The following CD96 variants were observed in gnomAD, a reference collection of about 807,000 sequenced individuals.
CD96 encodes the protein CD96 molecule.
A neutral mutation model predicts 71.3 loss-of-function variants in CD96; 70 were observed. That is an observed-to-expected ratio of 0.98 (90% CI 0.81 to 1.20). The LOEUF (loss-of-function observed/expected upper bound fraction) is 1.20. CD96 is among the 50% of genes most tolerant of loss of function. The pLI is 0.00. For missense variants in CD96, 742 were observed against 677.5 expected, an observed-to-expected ratio of 1.10 and a Z score of -1.06; for synonymous variants, 248 against 233.0, an observed-to-expected ratio of 1.06 and a Z score of -0.59.
At chr3:111,542,650 C>T (rs1043726579) in intron 1 of CD96, among the ~76,000 whole-genome samples, 1 of 152,184 alleles carries the variant, frequency 6.6e-6, no homozygotes, top group African/African-American at 2.4e-5. Context: ...AAAACAACTG[C>T]GGAAAAATTA....
In CD96 at chr3:111,650,367, C is replaced by T. The variant is rs1033033023; in HGVS notation, c.*561C>T. Reference sequence around the variant, plus strand: ...AACAGAATACTTTGCACAGGAACCACATTTTCAATCCTCCTTCACTGTCTT... The same window carrying T: ...AACAGAATACTTTGCACAGGAACCATATTTTCAATCCTCCTTCACTGTCTT... On this transcript the variant is annotated 3_prime_UTR_variant, in exon 14 of 14. Transcript: ENST00000352690. 4.2e-5 allele frequency: 7 copies of T among 166,384 alleles called. No individual in the cohort carries two copies. Among genetic ancestry groups the T allele is most frequent in the African/African-American group, 1.2e-4 (5 of 41,672 alleles). 10.3% of individuals were successfully genotyped at this position (166,384 alleles called of 1,614,324 possible). A position where few individuals can be genotyped will look rare whatever the true frequency, so the allele number is the denominator to read the frequency against.
At chr3:111,543,906 C>T (rs1338588523) in intron 1 of CD96, among the ~76,000 whole-genome samples, 3 of 152,162 alleles carry the variant, frequency 2.0e-5, no homozygotes, top group Admixed American at 1.3e-4. Context: ...CTTGTTTTCC[C>T]ACCTCAAACG....
chr3:111,570,878 G>A lies in CD96; in HGVS notation c.543+3231G>A, dbSNP rs1256245281. On this transcript the variant is annotated intron_variant, in intron 3 of 13. Coordinates refer to ENST00000352690, the MANE Select transcript of CD96 (RefSeq NM_005816.5). ...AGGGTCCTGACCGCTCTTCCAAGGT[G>A]GGCAGCTCATGGTATCGAGGCATTT... 1.4e-5 allele frequency: 22 copies of A among 1,606,836 alleles called. No individual in the cohort carries two copies. In the South Asian group the frequency reaches 2.2e-4, roughly 16 times the overall value.
At chr3:111,546,815 T>C (rs1178366729) in intron 2 of CD96, among the ~76,000 whole-genome samples, 1 of 151,868 alleles carries the variant, frequency 6.6e-6, no homozygotes. Context: ...GTTGGAACAG[T>C]CCACCTATAG....
At chr3:111,550,214 G>T (rs1194382761) in intron 2 of CD96, among the ~76,000 whole-genome samples, 1 of 152,124 alleles carries the variant, frequency 6.6e-6, no homozygotes, top group Non-Finnish European at 1.5e-5. Flanking sequence ...TTTAAAACAT[G>T]AAGTTTTTTT....
intron 14 of CD96, among the ~76,000 whole-genome samples, chr3:111,664,691 A>T (rs1160103264): frequency 6.6e-6 from 1 of 152,226 alleles, no homozygotes; most frequent in East Asian, 1.9e-4. Context: ...AGGTATATTA[A>T]AAAGGGAGAG....
At chr3:111,616,443 G>A (rs948397278) in intron 8 of CD96, among the ~76,000 whole-genome samples, 1 of 152,078 alleles carries the variant, frequency 6.6e-6, no homozygotes, top group Non-Finnish European at 1.5e-5. Flanking sequence ...GGGACAGGAA[G>A]CTGAAAGGTG....
At chr3:111,663,906 A>G (rs1243405507) in intron 14 of CD96, among the ~76,000 whole-genome samples, 1 of 151,930 alleles carries the variant, frequency 6.6e-6, no homozygotes, top group South Asian at 2.1e-4. Context: ...CTGCCACCAC[A>G]CGCCCAGAAA....
intron 5 of CD96, chr3:111,595,083 C>T (rs949974768): frequency 4.2e-5 from 7 of 167,022 alleles, no homozygotes; most frequent in Admixed American, 1.3e-4. Context: ...AGCCAACAGC[C>T]AATAAGACCT....
intron 2 of CD96, among the ~76,000 whole-genome samples, chr3:111,558,000 C>G (rs1427120678): frequency 5.4e-5 from 8 of 147,474 alleles, no homozygotes; most frequent in Non-Finnish European, 9.0e-5. Flanking sequence ...TGATTTGGCT[C>G]TCTGTTTGTG....
rs1477630111 is a variant in CD96, at chr3:111,612,847, A to G, written c.1180+6055A>G. On this transcript the variant is annotated intron_variant, in intron 8 of 13. Transcript: ENST00000352690. The stretch of plus-strand genomic sequence containing the variant: ...AGACCAGTGTTTTCCTGAGACATGC[A>G]GCATCTGAGAGTGAAGATAACATTT... 5.1e-6 allele frequency: 5 copies of G among 976,352 alleles called. No homozygotes were observed. In the South Asian group the frequency reaches 2.4e-4, roughly 46 times the overall value. 60.5% of individuals were successfully genotyped at this position (976,352 alleles called of 1,614,324 possible).
In CD96 at chr3:111,650,337, A is replaced by G. The variant is rs35846778; in HGVS notation, c.*531A>G. The G allele has an allele frequency of 0.042, 7,316 of 173,950 alleles. 216 individuals carry two copies. Among genetic ancestry groups the G allele is most frequent in the Middle Eastern group, 0.064 (21 of 330 alleles). 10.8% of individuals were successfully genotyped at this position (173,950 alleles called of 1,614,324 possible). On this transcript the variant is annotated 3_prime_UTR_variant, in exon 14 of 14. Coordinates refer to ENST00000352690, the MANE Select transcript of CD96 (RefSeq NM_005816.5). Reference sequence around the variant, plus strand: ...GAAATTCTGTTGCTTATTTTCATGGAAGGAAACAGAATACTTTGCACAGGA... The same window carrying G: ...GAAATTCTGTTGCTTATTTTCATGGGAGGAAACAGAATACTTTGCACAGGA...
chr3:111,596,916 C>A (rs1381277453), intron 5 of CD96, among the ~76,000 whole-genome samples: 3 of 152,156 alleles, frequency 2.0e-5, no homozygotes, highest in South Asian at 2.1e-4. Flanking sequence ...TGCTAGACAA[C>A]CCCCTCTGAA....
chr3:111,571,159 C>T (rs1216782304), intron 3 of CD96: 5 of 623,820 alleles, frequency 8.0e-6, no homozygotes, highest in African/African-American at 7.4e-5. Flanking sequence ...CCCCTTTTCC[C>T]TGCCCCCTTT....
rs1164222653 is a variant in CD96 at position 111,651,879 on chromosome 3, G to C, written c.*2073G>C. ...AATCTGGGTGAAAGACCGAGACTCC[G>C]CCTCAAAAAAAAAAAAAAAAGAAAG... On this transcript the variant is annotated 3_prime_UTR_variant, in exon 14 of 14. Coordinates refer to ENST00000352690, the MANE Select transcript of CD96 (RefSeq NM_005816.5). The C allele has an allele frequency of 2.4e-5, 3 of 124,934 alleles. No homozygotes were observed. Among genetic ancestry groups the C allele is most frequent in the African/African-American group, 9.9e-5 (3 of 30,306 alleles). 7.7% of individuals were successfully genotyped at this position (124,934 alleles called of 1,614,324 possible). A position where few individuals can be genotyped will look rare whatever the true frequency, so the allele number is the denominator to read the frequency against.
At chr3:111,647,758 C>T in intron 13 of CD96, 92 bp downstream of exon 13, 1 of 959,010 alleles carries the variant, frequency 1.0e-6, no homozygotes, top group African/African-American at 1.6e-5. Context: ...TGAAGTTCCT[C>T]CCATATTTTA....
intron 8 of CD96, among the ~76,000 whole-genome samples, chr3:111,621,247 A>T (rs1429777535): frequency 6.6e-6 from 1 of 152,230 alleles, no homozygotes; most frequent in Non-Finnish European, 1.5e-5. Flanking sequence ...CATCATCCTC[A>T]TTATGACAAT....
Position 111,545,288 on chromosome 3 carries a change from A to T in CD96, c.304A>T (p.Thr102Ser). 6.2e-7 allele frequency: 1 copy of T among 1,613,916 alleles called. No individual in the cohort carries two copies. The highest frequency in any genetic ancestry group is 1.3e-5 in the African/African-American group (1 of 75,000). ...AACTCCTGAGAATGGGTCAAAATGGACTCTGCACTTAAGGAATATGTCTTG... is the reference window on the plus strand; with the variant it reads ...AACTCCTGAGAATGGGTCAAAATGGTCTCTGCACTTAAGGAATATGTCTTG... ...TETPENGSKW[T>S]LHLRNMSCSV... Residue 102 changes from threonine (T) to serine (S), a missense_variant, in exon 2 of 14, where the codon ACT (threonine) becomes TCT (serine). Thr to Ser is a moderately conservative substitution (Grantham distance 58). Transcript: ENST00000352690.
intron 8 of CD96, among the ~76,000 whole-genome samples, chr3:111,618,298 G>GC (rs1450177595): frequency 6.6e-6 from 1 of 152,184 alleles, no homozygotes. Context: ...TTTCTGGCTG[G>GC]CAAAGCAAGA....
Sources: allele counts gnomAD v4.1 joint callset (sites outside exome capture counted in the v4.1 genomes callset), GRCh38; gene constraint gnomAD v4.1.1; transcripts MANE v1.5; gene names NCBI Gene and HGNC (gene_info 2026-07-23, HGNC 2026-07-21).